The following PLA2G5 variants were observed in gnomAD, a reference collection of about 807,000 sequenced individuals.
PLA2G5 encodes the protein Ca2+-dependent phospholipase A2.
A neutral mutation model predicts 15.9 loss-of-function variants in PLA2G5; 12 were observed. That is an observed-to-expected ratio of 0.76 (90% CI 0.48 to 1.23). The LOEUF is 1.23. Among genes scored for constraint, PLA2G5 ranks in the 50% most tolerant of loss-of-function variants. The pLI, the probability that PLA2G5 is intolerant of heterozygous loss-of-function variation, is 0.00. For synonymous variants in PLA2G5, 71 were observed against 71.4 expected (o/e 0.99, Z 0.03); for missense variants, 169 against 177.1 (o/e 0.95, Z 0.26).
intron 1 of PLA2G5, chr1:20,070,975 C>T (rs778498605): frequency 2.0e-5 from 3 of 152,212 alleles, no homozygotes; most frequent in Non-Finnish European, 2.9e-5. Context: ...GATCTTTCTC[C>T]TCCCTTCCTC....
chr1:20,032,410 A>G (rs1253227527), intron 1 of PLA2G5, among the ~76,000 whole-genome samples: 1 of 151,334 alleles, frequency 6.6e-6, no homozygotes, highest in East Asian at 1.9e-4. Context: ...GAATGTATCT[A>G]TTATTGTCAG....
chr1:20,044,907 A>T (rs1262091284), intron 1 of PLA2G5, among the ~76,000 whole-genome samples: 1 of 151,768 alleles, frequency 6.6e-6, no homozygotes, highest in Non-Finnish European at 1.5e-5. Flanking sequence ...GAGGGGACAG[A>T]GGGGAGGGAA....
intron 1 of PLA2G5, among the ~76,000 whole-genome samples, chr1:20,032,620 A>T (rs1253842780): frequency 6.6e-6 from 1 of 151,936 alleles, no homozygotes; most frequent in East Asian, 1.9e-4. Flanking sequence ...GAATGTGTAT[A>T]AGAGTTGGCA....
intron 1 of PLA2G5, among the ~76,000 whole-genome samples, chr1:20,043,681 G>C (rs550386255): frequency 1.1e-3 from 173 of 152,238 alleles, no homozygotes; most frequent in Middle Eastern, 0.01. Flanking sequence ...GGCAGGTAGG[G>C]ATAACTAAAA....
At chr1:20,068,981 G>T (rs911044427), upstream of PLA2G5, 18 of 1,270,926 alleles carry the variant, frequency 1.4e-5, no homozygotes, top group Non-Finnish European at 1.7e-5. Context: ...CCCAGAATTG[G>T]CACAGATACC....
intron 1 of PLA2G5, among the ~76,000 whole-genome samples, chr1:20,049,258 A>C (rs1042366233): frequency 6.6e-6 from 1 of 152,172 alleles, no homozygotes; most frequent in African/African-American, 2.4e-5. Flanking sequence ...TGTAAGTCAC[A>C]ATAAGAGGAT....
chr1:20,085,285 C>G (rs2016229078), intron 2 of PLA2G5, among the ~76,000 whole-genome samples: 1 of 152,074 alleles, frequency 6.6e-6, no homozygotes, highest in South Asian at 2.1e-4. Context: ...TCAGCTCAGG[C>G]TTGTCCAGCT....
chr1:20,066,689 T>C (rs545703591), upstream of PLA2G5, among the ~76,000 whole-genome samples: 17 of 152,314 alleles, frequency 1.1e-4, no homozygotes, highest in East Asian at 3.1e-3. Context: ...ATGTAAGATA[T>C]TGGTATTTTA....
upstream of PLA2G5, chr1:20,069,003 CG>C (rs1465942902): frequency 8.5e-7 from 1 of 1,175,548 alleles, no homozygotes; most frequent in African/African-American, 1.6e-5. Flanking sequence ...ACAGACCATT[CG>C]TTGAAGAAGA....
intron 1 of PLA2G5, chr1:20,054,664 G>C (rs2014348101): frequency 6.6e-6 from 1 of 151,812 alleles, no homozygotes; most frequent in Non-Finnish European, 1.5e-5. Context: ...GTCCTCCATT[G>C]TTGGGATGTA....
intron 1 of PLA2G5, among the ~76,000 whole-genome samples, chr1:20,029,242 C>A (rs1254609830): frequency 6.6e-6 from 1 of 152,072 alleles, no homozygotes; most frequent in Non-Finnish European, 1.5e-5. Flanking sequence ...TCTGACTGCC[C>A]CCACCAAACT....
intron 1 of PLA2G5, among the ~76,000 whole-genome samples, chr1:20,034,848 A>G (rs926519024): frequency 4.6e-5 from 7 of 152,120 alleles, no homozygotes; most frequent in Middle Eastern, 6.8e-3. Flanking sequence ...GACTGGGAAG[A>G]CCTCTCACCC....
chr1:20,035,631 T>C (rs1569624492), intron 1 of PLA2G5, among the ~76,000 whole-genome samples: 1 of 152,210 alleles, frequency 6.6e-6, no homozygotes, highest in Non-Finnish European at 1.5e-5. Flanking sequence ...GATGAGTTTC[T>C]TGAAGACAGC....
In PLA2G5 at chr1:20,037,270, C is replaced by A. The variant is rs368983725; in HGVS notation, n.276+8561C>A. On this transcript the variant is annotated intron_variant and non_coding_transcript_variant, in intron 1 of 6. Coordinates refer to the PLA2G5 transcript ENST00000460175. ...TGATCCCTTGATGTGGTGCTCTCCC[C>A]CTTCCTTTAGGGATGGGGCTTCCTG... Among the ~76,000 whole-genome samples, 3 of 152,262 alleles carry A rather than the reference C, an allele frequency of 2.0e-5. No individual in the cohort carries two copies. In the South Asian group the frequency reaches 6.2e-4, roughly 32 times the overall value.
chr1:20,070,577 G>A, intron 1 of PLA2G5, 112 bp downstream of exon 1: 1 of 561,860 alleles, frequency 1.8e-6, no homozygotes, highest in Non-Finnish European at 2.3e-6. Flanking sequence ...CCCAGGGGGA[G>A]GTGCGCAGGC....
chr1:20,090,363 T>C (rs2016508673), intron 4 of PLA2G5, among the ~76,000 whole-genome samples: 2 of 152,194 alleles, frequency 1.3e-5, no homozygotes, highest in Admixed American at 1.3e-4. Flanking sequence ...GGGAACTCCC[T>C]GAGGGCAGGA....
chr1:20,036,362 A>G (rs1395182967), intron 1 of PLA2G5, among the ~76,000 whole-genome samples: 1 of 152,142 alleles, frequency 6.6e-6, no homozygotes, highest in Non-Finnish European at 1.5e-5. Context: ...CTTCTTTGGG[A>G]ACACCAATTA....
intron 1 of PLA2G5, among the ~76,000 whole-genome samples, chr1:20,039,338 G>T (rs1212504996): frequency 2.0e-5 from 3 of 152,178 alleles, no homozygotes; most frequent in Admixed American, 1.3e-4. Context: ...GCAGTGGAAG[G>T]TGTCAATAAA....
At chr1:20,079,837 C>T (rs1278829818) in intron 1 of PLA2G5, among the ~76,000 whole-genome samples, 2 of 152,204 alleles carry the variant, frequency 1.3e-5, no homozygotes, top group Non-Finnish European at 2.9e-5. Context: ...GCAAGCCTGG[C>T]ACTTTCCCCT....
Sources: allele counts gnomAD v4.1 joint callset (sites outside exome capture counted in the v4.1 genomes callset), GRCh38; gene constraint gnomAD v4.1.1; transcripts MANE v1.5; gene names NCBI Gene and HGNC (gene_info 2026-07-23, HGNC 2026-07-21).